The following UGT1A7 variants were observed in gnomAD, a reference collection of about 807,000 sequenced individuals.
UGT1A7 encodes the protein UDP glucuronosyltransferase family 1 member A7, also known as UDP-glucuronosyltransferase 1A7.
UGT1A7 carries 33 observed loss-of-function variants against 45.6 expected under a neutral mutation model. The observed-to-expected ratio is 0.72, with a 90% CI of 0.55 to 0.97. UGT1A7 has a LOEUF of 0.97. Among genes scored for constraint, UGT1A7 ranks in the 50% least tolerant of loss-of-function variants. The pLI is 0.00. For missense variants in UGT1A7, 684 were observed against 666.2 expected (o/e 1.03, Z -0.29); for synonymous variants, 274 against 250.6 (o/e 1.09, Z -0.88).
chr2:233,755,078 GA>G (rs1559400130), intron 1 of UGT1A7: 1 of 1,336,544 alleles, frequency 7.5e-7, no homozygotes, highest in South Asian at 1.1e-5. Flanking sequence ...AGCGGTCATA[GA>G]TATCGCGTTT....
At chr2:233,718,115 A>C (rs571741074) in intron 1 of UGT1A7, 31 of 307,724 alleles carry the variant, frequency 1.0e-4, no homozygotes, top group Middle Eastern at 2.3e-3. Flanking sequence ...AGCACCTCTT[A>C]TTCCATGGTG....
intron 1 of UGT1A7, among the ~76,000 whole-genome samples, chr2:233,692,624 A>T (rs907640758): frequency 6.6e-6 from 1 of 152,204 alleles, no homozygotes; most frequent in African/African-American, 2.4e-5. Flanking sequence ...TCATGGACAT[A>T]ACAGACAACG....
chr2:233,695,453 G>A (rs1052369208), intron 1 of UGT1A7, among the ~76,000 whole-genome samples: 2 of 151,290 alleles, frequency 1.3e-5, no homozygotes, highest in African/African-American at 2.4e-5. Context: ...TTTGATCAAC[G>A]TGCTTTATTG....
At chr2:233,747,868 C>T (rs1693797482) in intron 1 of UGT1A7, 2 of 1,613,534 alleles carry the variant, frequency 1.2e-6, no homozygotes, top group Non-Finnish European at 1.7e-6. Flanking sequence ...TACCCTCTGG[C>T]CCTGTCCTAC....
intron 1 of UGT1A7, chr2:233,691,620 GCAGTGTGGTTAGCAGGCAGGGC>G: frequency 1.0e-6 from 1 of 985,672 alleles, no homozygotes; most frequent in Non-Finnish European, 1.2e-6. Context: ...ACCGCCCTCA[GCAGTGTGGTTAGCAGGCAGGGC>G]CAGTGTGACC....
Position 233,681,913 on chromosome 2 carries a change from G to A in UGT1A7, c.-25G>A. The A allele has an allele frequency of 6.2e-7, 1 of 1,601,310 alleles. No individual in the cohort carries two copies. The highest frequency in any genetic ancestry group is 8.5e-7 in the Non-Finnish European group (1 of 1,173,666). ...ATTATAGGAGCTTAGAATCCCAGCT[G>A]CTGGCTCTGGGCTGAAGTTCTCTGA... is the stretch of plus-strand genomic sequence containing the variant. On this transcript the variant is annotated 5_prime_UTR_variant, in exon 1 of 5. Coordinates refer to ENST00000373426, the MANE Select transcript of UGT1A7 (RefSeq NM_019077.3).
intron 1 of UGT1A7, among the ~76,000 whole-genome samples, chr2:233,731,630 C>A (rs1226359620): frequency 6.6e-6 from 1 of 152,176 alleles, no homozygotes; most frequent in Non-Finnish European, 1.5e-5. Context: ...TTTTTTATGG[C>A]TGCATAGTAT....
chr2:233,695,740 C>T (rs1326853599), intron 1 of UGT1A7, among the ~76,000 whole-genome samples: 2 of 152,142 alleles, frequency 1.3e-5, no homozygotes, highest in African/African-American at 4.8e-5. Context: ...TGTTGCTGCA[C>T]ATGACAGGTC....
chr2:233,689,672 G>T (rs1472377037), intron 1 of UGT1A7, among the ~76,000 whole-genome samples: 1 of 152,170 alleles, frequency 6.6e-6, no homozygotes, highest in Non-Finnish European at 1.5e-5. Flanking sequence ...CAAGAACAAA[G>T]AATGGCTGTC....
intron 1 of UGT1A7, chr2:233,755,307 C>T (rs547203505): frequency 5.2e-6 from 3 of 580,082 alleles, no homozygotes; most frequent in African/African-American, 1.9e-5. Context: ...ACTGGCACAG[C>T]GAGCGGCAAG....
chr2:233,711,884 G>C (rs2076202262), intron 1 of UGT1A7, among the ~76,000 whole-genome samples: 1 of 152,204 alleles, frequency 6.6e-6, no homozygotes, highest in Non-Finnish European at 1.5e-5. Flanking sequence ...GGAGCAGGAC[G>C]AGTCTCATGG....
intron 1 of UGT1A7, among the ~76,000 whole-genome samples, chr2:233,702,779 G>C (rs558414235): frequency 6.6e-6 from 1 of 152,280 alleles, no homozygotes; most frequent in South Asian, 2.1e-4. Flanking sequence ...ATTTGCAGGT[G>C]TAAACGAACC....
At chr2:233,706,986 A>C (rs936707267) in intron 1 of UGT1A7, among the ~76,000 whole-genome samples, 2 of 152,186 alleles carry the variant, frequency 1.3e-5, no homozygotes, top group Non-Finnish European at 2.9e-5. Context: ...ACAGATAGGC[A>C]GTAAGAATCA....
At chr2:233,691,202 G>C in intron 1 of UGT1A7, 1 of 985,608 alleles carries the variant, frequency 1.0e-6, no homozygotes, top group Non-Finnish European at 1.2e-6. Context: ...CCTGAGCTCT[G>C]TTCCCTTTGC....
At chr2:233,756,094 T>C (rs908379674) in intron 1 of UGT1A7, 2 of 152,220 alleles carry the variant, frequency 1.3e-5, no homozygotes, top group African/African-American at 4.8e-5. Flanking sequence ...CAAGTAACAT[T>C]ATTACGGAAA....
At chr2:233,731,192 A>C (rs1451773849) in intron 1 of UGT1A7, among the ~76,000 whole-genome samples, 1 of 152,106 alleles carries the variant, frequency 6.6e-6, no homozygotes. Context: ...GTAATTATTC[A>C]ATTATAAAAT....
chr2:233,700,178 C>T (rs1315960228), intron 1 of UGT1A7, among the ~76,000 whole-genome samples: 1 of 152,190 alleles, frequency 6.6e-6, no homozygotes, highest in South Asian at 2.1e-4. Context: ...CTCATTCAGG[C>T]TGAAATCTCA....
intron 1 of UGT1A7, among the ~76,000 whole-genome samples, chr2:233,702,925 G>T (rs1314769740): frequency 2.0e-5 from 3 of 152,140 alleles, no homozygotes; most frequent in Non-Finnish European, 2.9e-5. Context: ...TTTTCTTGCG[G>T]AGCCTTGGTC....
chr2:233,763,429 C>G (rs192488384), intron 1 of UGT1A7, among the ~76,000 whole-genome samples: 230 of 152,268 alleles, frequency 1.5e-3, no homozygotes, highest in South Asian at 0.014. Context: ...CAGGCAGTTG[C>G]TTTAATAAGT....
Sources: allele counts gnomAD v4.1 joint callset (sites outside exome capture counted in the v4.1 genomes callset), GRCh38; gene constraint gnomAD v4.1.1; transcripts MANE v1.5; gene names NCBI Gene and HGNC (gene_info 2026-07-23, HGNC 2026-07-21).